USP6NL: variants seen among roughly 807,000 people sequenced by gnomAD.
USP6NL encodes USP6 N-terminal like.
A neutral mutation model predicts 61.9 loss-of-function variants in USP6NL; 26 were observed. That is an observed-to-expected ratio of 0.42 (90% CI 0.31 to 0.58). The LOEUF is 0.58. Among genes scored for constraint, USP6NL ranks in the 20% least tolerant of loss-of-function variants. USP6NL has a pLI of 0.16. For missense variants in USP6NL, 1,114 were observed against 1,034.3 expected (o/e 1.08, Z -1.06); for synonymous variants, 432 against 390.1 (o/e 1.11, Z -1.27).
At chr10:11,480,098 C>T (rs1833136134) in intron 14 of USP6NL, among the ~76,000 whole-genome samples, 2 of 152,210 alleles carry the variant, frequency 1.3e-5, no homozygotes, top group African/African-American at 4.8e-5. Flanking sequence ...TATTCCTCCC[C>T]TTTTCTCCCC....
chr10:11,547,370 T>C (rs926539247), intron 2 of USP6NL, among the ~76,000 whole-genome samples: 15 of 152,136 alleles, frequency 9.9e-5, no homozygotes, highest in Non-Finnish European at 1.9e-4. Flanking sequence ...CTCTGAAGTT[T>C]CCAAATGTCT....
chr10:11,547,810 G>A (rs906826696), intron 2 of USP6NL, among the ~76,000 whole-genome samples: 6 of 152,116 alleles, frequency 3.9e-5, no homozygotes, highest in Non-Finnish European at 7.4e-5. Flanking sequence ...CAAAGTGCTA[G>A]GATTACAGGC....
Position 11,489,362 on chromosome 10 carries a change from C to T in USP6NL, c.544-140G>A. ...GTCCATTCTAGAGACAAATACTATA[C>T]TCTTTACAGTATTATGCCACATAAG... On this transcript the variant is annotated intron_variant, in intron 9 of 14. Transcript: ENST00000609104. The surrounding 1 kb of genome is among the most constrained non-coding windows in gnomAD (Gnocchi z 5.7). The T allele has an allele frequency of 9.2e-7, 1 of 1,083,980 alleles. No individual in the cohort carries two copies. The highest frequency in any genetic ancestry group is 1.3e-6 in the Non-Finnish European group (1 of 784,582). The allele number at this position is 1,083,980 out of a possible 1,614,324, so 67.1% of individuals were successfully genotyped here.
intron 2 of USP6NL, among the ~76,000 whole-genome samples, chr10:11,572,641 T>C (rs1020917531): frequency 6.6e-6 from 1 of 152,090 alleles, no homozygotes; most frequent in African/African-American, 2.4e-5. Context: ...AAAACACAGA[T>C]TATATCACAT....
chr10:11,568,657 T>C (rs1197264516), intron 2 of USP6NL, among the ~76,000 whole-genome samples: 2 of 152,210 alleles, frequency 1.3e-5, no homozygotes, highest in Non-Finnish European at 2.9e-5. Flanking sequence ...CCAAAAATTC[T>C]AGAGGTAACT....
chr10:11,490,145 T>G lies in USP6NL; in HGVS notation c.543+687A>C, dbSNP rs759091488. Among the ~76,000 whole-genome samples the G allele has an allele frequency of 1.3e-5, 2 of 152,226 alleles. No homozygotes were observed. Among genetic ancestry groups the G allele is most frequent in the African/African-American group, 2.4e-5 (1 of 41,462 alleles). On this transcript the variant is annotated intron_variant, in intron 9 of 14. Transcript: ENST00000609104. The surrounding 1 kb of genome is among the most constrained non-coding windows in gnomAD (Gnocchi z 4.5). ...CCCTTTAAAAACCCCTTTTTAACTTTTCCTAGTTTGAGCGAATTTCTGTTC... is the reference window on the plus strand; with the variant it reads ...CCCTTTAAAAACCCCTTTTTAACTTGTCCTAGTTTGAGCGAATTTCTGTTC...
intron 2 of USP6NL, among the ~76,000 whole-genome samples, chr10:11,578,646 T>C (rs1837638094): frequency 6.6e-6 from 1 of 152,216 alleles, no homozygotes; most frequent in African/African-American, 2.4e-5. Context: ...TTAAAATTTT[T>C]AAAGAATTCA....
chr10:11,572,615 T>G (rs894089071), intron 2 of USP6NL, among the ~76,000 whole-genome samples: 1 of 152,102 alleles, frequency 6.6e-6, no homozygotes. Flanking sequence ...TTATGGAATC[T>G]CATAAGCTTT....
At chr10:11,492,100 G>C (rs1210761475) in intron 8 of USP6NL, among the ~76,000 whole-genome samples, 4 of 152,184 alleles carry the variant, frequency 2.6e-5, no homozygotes, top group Admixed American at 2.6e-4. Flanking sequence ...GCAGAAGTGT[G>C]ATCATCTCCC....
At chr10:11,554,381 C>A (rs1055239509) in intron 2 of USP6NL, among the ~76,000 whole-genome samples, 1 of 152,192 alleles carries the variant, frequency 6.6e-6, no homozygotes. Flanking sequence ...ACAAGCACCA[C>A]AGACTGAGAG....
rs986874890 is a variant in USP6NL at position 11,602,682 on chromosome 10, C to T, written c.-83-4965G>A. On this transcript the variant is annotated intron_variant, in intron 1 of 14. Transcript: ENST00000609104. This position sits in a 1 kb window ranked among gnomAD's most constrained non-coding sequence, Gnocchi z 4.8. The stretch of plus-strand genomic sequence containing the variant: ...TCTGAAATCAGACACGTTTTGAGCA[C>T]TGACGTGACACTCAAAGGAAACGCT... 3.3e-5 allele frequency among the ~76,000 whole-genome samples: 5 copies of T among 152,156 alleles called. No homozygotes were observed. The East Asian group carries it at 9.6e-4, about 29-fold the overall frequency.
chr10:11,573,420 A>C (rs1278245024), intron 2 of USP6NL: 1 of 382,318 alleles, frequency 2.6e-6, no homozygotes, highest in African/African-American at 2.1e-5. Flanking sequence ...TTGTTCAAAA[A>C]CAGTAATAAT....
chr10:11,500,068 C>G (rs1566138514), intron 7 of USP6NL, among the ~76,000 whole-genome samples: 1 of 152,090 alleles, frequency 6.6e-6, no homozygotes, highest in Non-Finnish European at 1.5e-5. Context: ...AACGCAAGAA[C>G]AGAAAACCAA....
In USP6NL at chr10:11,598,660, A is replaced by G. The variant is rs1243987213; in HGVS notation, c.-83-943T>C. On this transcript the variant is annotated intron_variant, in intron 1 of 14. Transcript: ENST00000609104. The surrounding 1 kb of genome is among the most constrained non-coding windows in gnomAD (Gnocchi z 4.7). ...AGTTTCCTTCATAAACAAATAAGCT[A>G]CTTCTTCCAATCACAATAGGTGATG... Among the ~76,000 whole-genome samples, 1 of 152,212 alleles carries G rather than the reference A, an allele frequency of 6.6e-6. No individual in the cohort carries two copies. The highest frequency in any genetic ancestry group is 1.5e-5 in the Non-Finnish European group (1 of 68,024).
intron 6 of USP6NL, among the ~76,000 whole-genome samples, chr10:11,504,332 CCAGAA>C (rs1372239202): frequency 6.6e-6 from 1 of 152,028 alleles, no homozygotes; most frequent in Admixed American, 6.5e-5. Context: ...TGCTTATTCC[CCAGAA>C]CAGTAGTCCA....
Position 11,510,627 on chromosome 10 carries a change from C to CTGGGG in USP6NL, c.196-953_196-952insCCCCA, listed in dbSNP as rs1312557306. 7.0e-6 allele frequency among the ~76,000 whole-genome samples: 1 copy of CTGGGG among 142,232 alleles called. No homozygotes were observed. Among genetic ancestry groups the CTGGGG allele is most frequent in the Non-Finnish European group, 1.5e-5 (1 of 65,172 alleles). 93.3% of individuals were successfully genotyped at this position (142,232 alleles called of 152,430 possible). ...AGAAGGAATATTTTTTCCTAAGTAC[C>CTGGGG]TGGGCCCATGAGTAGTAAGTATATG... On this transcript the variant is annotated intron_variant, in intron 5 of 14. Coordinates refer to ENST00000609104, the MANE Select transcript of USP6NL (RefSeq NM_014688.5). The surrounding 1 kb of genome is among the most constrained non-coding windows in gnomAD (Gnocchi z 4.8).
At position 11,496,751 on chromosome 10, in the gene USP6NL, A is replaced by G. The variant is rs1385323748; in HGVS notation, c.385-3523T>C. Among the ~76,000 whole-genome samples the G allele has an allele frequency of 6.6e-6, 1 of 152,168 alleles. No homozygotes were observed. The highest frequency in any genetic ancestry group is 1.5e-5 in the Non-Finnish European group (1 of 68,040). On this transcript the variant is annotated intron_variant, in intron 7 of 14. Transcript: ENST00000609104. The surrounding 1 kb of genome is among the most constrained non-coding windows in gnomAD (Gnocchi z 5.4). The stretch of plus-strand genomic sequence containing the variant: ...CCCGACTTCAGCTAAAAGTGGAAAG[A>G]AGGTTATCTGGGGATGTCTATTATA...
intron 2 of USP6NL, among the ~76,000 whole-genome samples, chr10:11,572,669 G>A (rs998274575): frequency 2.0e-5 from 3 of 151,902 alleles, no homozygotes; most frequent in African/African-American, 4.8e-5. Flanking sequence ...AAAATATAAA[G>A]TAATCTACAT....
At chr10:11,483,952 C>A (rs1373673323) in intron 13 of USP6NL, among the ~76,000 whole-genome samples, 2 of 152,148 alleles carry the variant, frequency 1.3e-5, no homozygotes, top group Non-Finnish European at 2.9e-5. Context: ...ATCTGGCACT[C>A]CTGCAGTCCA....
Sources: allele counts gnomAD v4.1 joint callset (sites outside exome capture counted in the v4.1 genomes callset), GRCh38; gene constraint gnomAD v4.1.1; non-coding constraint Gnocchi (gnomAD v3.1); transcripts MANE v1.5; gene names NCBI Gene and HGNC (gene_info 2026-07-23, HGNC 2026-07-21).